C2orf49: variants seen among roughly 807,000 people sequenced by gnomAD.
C2orf49 encodes the protein tRNA-splicing ligase complex subunit ASW.
C2orf49 carries 11 observed loss-of-function variants against 20.6 expected under a neutral mutation model. That is an observed-to-expected ratio of 0.53 (90% CI 0.34 to 0.88). The LOEUF is 0.88. Among genes scored for constraint, C2orf49 ranks in the 40% least tolerant of loss-of-function variants. The pLI, the probability that C2orf49 is intolerant of heterozygous loss-of-function variation, is 0.02. For missense variants in C2orf49, 289 were observed against 274.2 expected (o/e 1.05, Z -0.38); for synonymous variants, 134 against 108.5 (o/e 1.24, Z -1.46).
the C2orf49 span, chr2:105,367,735 G>A: frequency 3.7e-6 from 6 of 1,613,350 alleles, no homozygotes; most frequent in African/African-American, 6.7e-5. Context: ...CCATCTTGCG[G>A]GTACCTGTCA....
At chr2:105,374,797 G>A in the C2orf49 span, among the ~76,000 whole-genome samples, 1 of 152,146 alleles carries the variant, frequency 6.6e-6, no homozygotes, top group Non-Finnish European at 1.5e-5. Context: ...ATCTTAGAAA[G>A]GATATGTTTC....
At chr2:105,357,618 A>G in the C2orf49 span, 5 of 152,278 alleles carry the variant, frequency 3.3e-5, no homozygotes, top group East Asian at 1.9e-4. Context: ...ACCTAATACA[A>G]TGCTTACACA....
chr2:105,380,396 A>G, the C2orf49 span, among the ~76,000 whole-genome samples: 1 of 152,084 alleles, frequency 6.6e-6, no homozygotes, highest in African/African-American at 2.4e-5. Context: ...CTGTCTATCT[A>G]TCATCTATCT....
At chr2:105,370,354 G>A in the C2orf49 span, among the ~76,000 whole-genome samples, 4 of 151,560 alleles carry the variant, frequency 2.6e-5, no homozygotes, top group South Asian at 8.4e-4. Context: ...CCGCCTGAGC[G>A]AAAGAGCGAG....
chr2:105,373,875 C>T, the C2orf49 span: 1 of 683,414 alleles, frequency 1.5e-6, no homozygotes, highest in South Asian at 1.8e-5. Context: ...ATTCATGCCC[C>T]AGGACCACCT....
downstream of C2orf49, among the ~76,000 whole-genome samples, chr2:105,350,280 C>A (rs555343326): frequency 1.2e-4 from 18 of 152,290 alleles, no homozygotes; most frequent in African/African-American, 4.1e-4. Context: ...CATGAAAGCC[C>A]TAAGGCTTAC....
rs1679787577 is a variant in C2orf49 at position 105,345,414 on chromosome 2, T to C, written c.*43T>C. Reference sequence around the variant, plus strand: ...TGTAAATATACTGTAACTGTAGTTTTTCAAATATGTTCATATATATTGACA... The same window carrying C: ...TGTAAATATACTGTAACTGTAGTTTCTCAAATATGTTCATATATATTGACA... On this transcript the variant is annotated 3_prime_UTR_variant, in exon 4 of 4. Coordinates refer to ENST00000258457, the MANE Select transcript of C2orf49 (RefSeq NM_024093.3). The C allele has an allele frequency of 7.3e-7, 1 of 1,365,262 alleles. No homozygotes were observed. Among genetic ancestry groups the C allele is most frequent in the Non-Finnish European group, 1.0e-6 (1 of 962,264 alleles). The allele number at this position is 1,365,262 out of a possible 1,614,324, so 84.6% of individuals were successfully genotyped here.
downstream of C2orf49, among the ~76,000 whole-genome samples, chr2:105,351,865 A>G (rs1679944199): frequency 6.6e-6 from 1 of 152,242 alleles, no homozygotes; most frequent in South Asian, 2.1e-4. Flanking sequence ...ATGTACCTAT[A>G]TTAACCCCTA....
At position 105,347,706 on chromosome 2, in the gene C2orf49, TAA is replaced by T. The variant is rs1679847729; in HGVS notation, c.*2336_*2337del. 6.6e-6 allele frequency: 1 copy of T among 152,244 alleles called. No homozygotes were observed. The allele number at this position is 152,244 out of a possible 1,614,324, so 9.4% of individuals were successfully genotyped here. A position where few individuals can be genotyped will look rare whatever the true frequency, so the allele number is the denominator to read the frequency against. On this transcript the variant is annotated 3_prime_UTR_variant, in exon 4 of 4. Coordinates refer to ENST00000258457, the MANE Select transcript of C2orf49 (RefSeq NM_024093.3). Reference sequence around the variant, plus strand: ...TTGTCTTGAAATGTCTTTCTCCACATAATGAAGCATGCTGAATGCTGGGAATC... The same window carrying T: ...TTGTCTTGAAATGTCTTTCTCCACATTGAAGCATGCTGAATGCTGGGAATC...
the C2orf49 span, among the ~76,000 whole-genome samples, chr2:105,377,393 G>A: frequency 6.6e-6 from 1 of 152,194 alleles, no homozygotes; most frequent in South Asian, 2.1e-4. Flanking sequence ...CACTTTGGGA[G>A]GCCGAGGCAG....
chr2:105,344,602 C>CA (rs575934458), intron 3 of C2orf49, among the ~76,000 whole-genome samples: 40 of 151,934 alleles, frequency 2.6e-4, no homozygotes, highest in Non-Finnish European at 4.9e-4. Context: ...TTTTTTGAGA[C>CA]AGAGTCTTGC....
chr2:105,373,491 G>A, the C2orf49 span: 1 of 1,550,316 alleles, frequency 6.5e-7, no homozygotes, highest in Non-Finnish European at 8.9e-7. Flanking sequence ...GTGAACAGGG[G>A]GTCAGAGGAA....
At chr2:105,367,785 G>A in the C2orf49 span, 1 of 1,566,636 alleles carries the variant, frequency 6.4e-7, no homozygotes, top group Admixed American at 1.8e-5. Flanking sequence ...TGGTTAGAGG[G>A]GTGTGGAGTC....
At chr2:105,339,778 T>C in intron 2 of C2orf49, 29 bp downstream of exon 2, 1 of 1,527,944 alleles carries the variant, frequency 6.5e-7, no homozygotes, top group Non-Finnish European at 8.8e-7. Context: ...AGCTTTCAAT[T>C]TATCTTATAT....
chr2:105,378,353 C>T, the C2orf49 span: 1 of 372,202 alleles, frequency 2.7e-6, no homozygotes, highest in Non-Finnish European at 5.4e-6. Flanking sequence ...AGCCTGTCCC[C>T]CCACACCCTG....
At chr2:105,355,326 G>A in the C2orf49 span, among the ~76,000 whole-genome samples, 1 of 152,164 alleles carries the variant, frequency 6.6e-6, no homozygotes, top group African/African-American at 2.4e-5. Flanking sequence ...AAGTAACTCT[G>A]GAAATGACTG....
rs1339641696 is a variant in C2orf49 at position 105,348,137 on chromosome 2, C to T, written c.*2766C>T. ...TTTGCAAGTCATATTGCTTGGCCCT[C>T]CACATTCACTGAGAGGTGAAGATAG... On this transcript the variant is annotated 3_prime_UTR_variant, in exon 4 of 4. Transcript: ENST00000258457. 1.3e-5 allele frequency: 2 copies of T among 152,196 alleles called. No individual in the cohort carries two copies. The highest frequency in any genetic ancestry group is 1.9e-4 in the East Asian group (1 of 5,196). The allele number at this position is 152,196 out of a possible 1,614,324, so 9.4% of individuals were successfully genotyped here.
chr2:105,342,599 A>G (rs1679700225), intron 2 of C2orf49, among the ~76,000 whole-genome samples: 1 of 152,220 alleles, frequency 6.6e-6, no homozygotes, highest in Non-Finnish European at 1.5e-5. Flanking sequence ...GATGTTTTAA[A>G]AATAGCTGCA....
chr2:105,373,505 G>T, the C2orf49 span: 2 of 1,598,536 alleles, frequency 1.3e-6, no homozygotes, highest in Non-Finnish European at 1.7e-6. Flanking sequence ...AGAGGAACGT[G>T]CACAAGGCTT....
Sources: allele counts gnomAD v4.1 joint callset (sites outside exome capture counted in the v4.1 genomes callset), GRCh38; gene constraint gnomAD v4.1.1; transcripts MANE v1.5; gene names NCBI Gene and HGNC (gene_info 2026-07-23, HGNC 2026-07-21).